The following ZNF883 variants were observed in gnomAD, a reference collection of about 807,000 sequenced individuals.
ZNF883 encodes zinc finger protein 883.
downstream of ZNF883, chr9:112,997,092 CGACT>C (rs1431918716): frequency 6.5e-6 from 10 of 1,543,354 alleles, no homozygotes; most frequent in African/African-American, 5.4e-5. Flanking sequence ...CAATAACCTA[CGACT>C]GACTGCAGGC....
intron 2 of ZNF883, among the ~76,000 whole-genome samples, chr9:113,010,812 C>A (rs911280346): frequency 1.3e-5 from 2 of 151,776 alleles, no homozygotes; most frequent in African/African-American, 4.8e-5. Context: ...ATGGTGAAAC[C>A]CCATCTCTAC....
At chr9:112,995,389 G>T (rs1351220502), downstream of ZNF883, among the ~76,000 whole-genome samples, 1 of 152,086 alleles carries the variant, frequency 6.6e-6, no homozygotes, top group Admixed American at 6.5e-5. Flanking sequence ...GCTGACTGCA[G>T]ATCTTGGGCT....
At chr9:112,999,245 A>C (rs1324155791), upstream of ZNF883, 1 of 152,216 alleles carries the variant, frequency 6.6e-6, no homozygotes, top group Non-Finnish European at 1.5e-5. Flanking sequence ...TTAATAGGGA[A>C]GTTTAAAGGT....
At chr9:113,002,041 C>CATG (rs1828430773), upstream of ZNF883, 1 of 152,128 alleles carries the variant, frequency 6.6e-6, no homozygotes, top group Non-Finnish European at 1.5e-5. Context: ...ATCCATGTGC[C>CATG]ATGTCTCTGA....
At chr9:112,993,434 TTC>T (rs1828320889), downstream of ZNF883, among the ~76,000 whole-genome samples, 2 of 152,186 alleles carry the variant, frequency 1.3e-5, no homozygotes, top group Non-Finnish European at 2.9e-5. Flanking sequence ...CCTCTGGGAT[TTC>T]TGTCTCAGAG....
chr9:113,005,437 C>A (rs902019573), intron 2 of ZNF883, among the ~76,000 whole-genome samples: 1 of 151,916 alleles, frequency 6.6e-6, no homozygotes, highest in African/African-American at 2.4e-5. Context: ...ACTTCTAATC[C>A]CAGAAATACA....
At chr9:113,010,124 A>G (rs1828517744) in intron 2 of ZNF883, among the ~76,000 whole-genome samples, 1 of 152,194 alleles carries the variant, frequency 6.6e-6, no homozygotes, top group African/African-American at 2.4e-5. Context: ...TTATATCCCA[A>G]TGCTTAGAAC....
downstream of ZNF883, among the ~76,000 whole-genome samples, chr9:112,992,759 TTTG>T (rs1828314327): frequency 6.6e-6 from 1 of 152,140 alleles, no homozygotes; most frequent in Non-Finnish European, 1.5e-5. Flanking sequence ...TCTCAGAGGT[TTTG>T]TTAATTCCTT....
chr9:112,996,241 A>G (rs1403099548), downstream of ZNF883, among the ~76,000 whole-genome samples: 2 of 152,156 alleles, frequency 1.3e-5, no homozygotes, highest in Non-Finnish European at 2.9e-5. Context: ...CTGAGAATTT[A>G]TTGCAATTTT....
upstream of ZNF883, among the ~76,000 whole-genome samples, chr9:113,000,851 TAA>T (rs1275642388): frequency 6.6e-6 from 1 of 151,956 alleles, no homozygotes. Flanking sequence ...AAAAAATATA[TAA>T]GACAGTTAAC....
At position 113,009,710 on chromosome 9, in the gene ZNF883, A is replaced by G. The variant is rs1327206865; in HGVS notation, n.165+1431T>C. Among the ~76,000 whole-genome samples the G allele has an allele frequency of 2.0e-5, 3 of 152,086 alleles. No individual in the cohort carries two copies. The South Asian group carries it at 6.2e-4, about 32-fold the overall frequency. ...TTTTTAGTAGAGACAGGGTTTCACC[A>G]TGTTGGACAGGATGGTCTCAATCTC... is the stretch of plus-strand genomic sequence containing the variant. On this transcript the variant is annotated intron_variant and non_coding_transcript_variant, in intron 2 of 4. Transcript: ENST00000638622.
chr9:112,997,933 C>G, exon 1 of ZNF883: 1 of 1,613,524 alleles, frequency 6.2e-7, no homozygotes, highest in Non-Finnish European at 8.5e-7. Context: ...TAAGGGATGA[C>G]CTATGACTAA....
At chr9:112,996,314 G>C (rs182924375), downstream of ZNF883, among the ~76,000 whole-genome samples, 390 of 152,192 alleles carry the variant, frequency 2.6e-3, 2 homozygotes, top group Middle Eastern at 0.01. Context: ...ATAATGCATA[G>C]TATCTTTGTG....
upstream of ZNF883, among the ~76,000 whole-genome samples, chr9:113,002,791 G>A (rs112820740): frequency 3.2e-4 from 48 of 152,218 alleles, no homozygotes; most frequent in Admixed American, 1.3e-3. Flanking sequence ...GGAGGCCTTC[G>A]GGAGGCGATT....
At chr9:112,990,751 T>C (rs1029404017) in intron 1 of ZNF883, among the ~76,000 whole-genome samples, 1 of 152,138 alleles carries the variant, frequency 6.6e-6, no homozygotes. Flanking sequence ...CCTGGGCTTT[T>C]TTTTTGTTGT....
chr9:112,993,761 T>C (rs1465991628), downstream of ZNF883, among the ~76,000 whole-genome samples: 1 of 152,194 alleles, frequency 6.6e-6, no homozygotes, highest in Non-Finnish European at 1.5e-5. Flanking sequence ...ATTGCTGAAG[T>C]TCCTGCAGGG....
chr9:113,005,219 C>G (rs951064691), intron 2 of ZNF883, among the ~76,000 whole-genome samples: 3 of 151,886 alleles, frequency 2.0e-5, no homozygotes, highest in African/African-American at 7.3e-5. Flanking sequence ...AAACAGAAGG[C>G]AATCAACTAA....
At chr9:112,997,863 C>T (rs1351834803) in exon 1 of ZNF883, 1 of 1,613,234 alleles carries the variant, frequency 6.2e-7, no homozygotes, top group African/African-American at 1.3e-5. Context: ...TGGCTGAAAG[C>T]TTTCCCACAT....
rs759125239 is a variant in ZNF883 at position 113,011,197 on chromosome 9, T to C, written n.109A>G. On this transcript the variant is annotated non_coding_transcript_exon_variant, in exon 2 of 5. In the 5' UTR this introduces an upstream ATG that the reference lacks. Coordinates refer to the ZNF883 transcript ENST00000638622. ...GGTCCTTCTTCTTGATGCCATCTTATATAAGTAAGTAGAGACCTGAGAAAG... is the reference window on the plus strand; with the variant it reads ...GGTCCTTCTTCTTGATGCCATCTTACATAAGTAAGTAGAGACCTGAGAAAG... 6.6e-6 allele frequency: 1 copy of C among 152,110 alleles called. No individual in the cohort carries two copies. Among genetic ancestry groups the C allele is most frequent in the Non-Finnish European group, 1.5e-5 (1 of 68,046 alleles). 9.4% of individuals were successfully genotyped at this position (152,110 alleles called of 1,614,324 possible).
Sources: allele counts gnomAD v4.1 joint callset (sites outside exome capture counted in the v4.1 genomes callset), GRCh38; gene constraint gnomAD v4.1.1; transcripts MANE v1.5; gene names NCBI Gene and HGNC (gene_info 2026-07-23, HGNC 2026-07-21).